Variants in MBP observed in about 807,000 individuals in gnomAD.
The protein encoded by MBP is myelin basic protein.
A neutral mutation model predicts 35.8 loss-of-function variants in MBP; 16 were observed. The ratio of observed to expected loss-of-function variants is 0.45; its 90% CI spans 0.30 to 0.68. The LOEUF is 0.68. Ranked by LOEUF, MBP falls within the 30% of genes least tolerant of loss-of-function variation. The pLI is 0.08. For missense variants in MBP, 380 were observed against 404.7 expected, an observed-to-expected ratio of 0.94 and a Z score of 0.52; for synonymous variants, 143 against 159.6, an observed-to-expected ratio of 0.90 and a Z score of 0.78.
At chr18:77,066,143 T>G (rs955790190) in intron 3 of MBP, 155 bp downstream of exon 3, 95 of 633,570 alleles carry the variant, frequency 1.5e-4, no homozygotes, top group Non-Finnish European at 2.8e-5. Context: ...ATTACAGACA[T>G]GAAGCAATGA....
intron 1 of MBP, among the ~76,000 whole-genome samples, chr18:77,110,965 GT>G (rs1568344781): frequency 6.6e-6 from 1 of 152,098 alleles, no homozygotes; most frequent in Non-Finnish European, 1.5e-5. Flanking sequence ...CAGGAGCAAT[GT>G]TTTCGACATC....
At chr18:77,018,200 T>A (rs1344555409) in intron 3 of MBP, among the ~76,000 whole-genome samples, 1 of 149,908 alleles carries the variant, frequency 6.7e-6, no homozygotes, top group Non-Finnish European at 1.5e-5. Flanking sequence ...TACCCATCCA[T>A]CCATCCATGC....
chr18:77,066,108 T>C, intron 3 of MBP, 190 bp downstream of exon 3: 1 of 577,304 alleles, frequency 1.7e-6, no homozygotes, highest in South Asian at 2.4e-5. Context: ...AGCGATCCTC[T>C]TGCATAGACC....
chr18:77,112,385 C>T (rs918650651), intron 1 of MBP, among the ~76,000 whole-genome samples: 1 of 152,218 alleles, frequency 6.6e-6, no homozygotes, highest in East Asian at 1.9e-4. Flanking sequence ...GTGTTCATCA[C>T]GATGGCAAAC....
intron 3 of MBP, among the ~76,000 whole-genome samples, chr18:77,033,757 CCCATCCAT>C (rs145059208): frequency 0.068 from 8,223 of 120,508 alleles, 329 homozygotes; most frequent in African/African-American, 0.15. Context: ...CATCAATCCA[CCCATCCAT>C]CCATCCATCC....
chr18:77,107,560 A>G (rs1348175737), intron 1 of MBP, among the ~76,000 whole-genome samples: 1 of 152,210 alleles, frequency 6.6e-6, no homozygotes, highest in Non-Finnish European at 1.5e-5. Context: ...CTGGTAGACA[A>G]AGAGAGCTAT....
intron 2 of MBP, among the ~76,000 whole-genome samples, chr18:77,077,509 G>A (rs1974713542): frequency 6.6e-6 from 1 of 152,136 alleles, no homozygotes; most frequent in Non-Finnish European, 1.5e-5. Flanking sequence ...AAATGTCTGG[G>A]TAGATGACAA....
At chr18:77,052,515 T>G (rs1173635408) in intron 3 of MBP, among the ~76,000 whole-genome samples, 1 of 152,246 alleles carries the variant, frequency 6.6e-6, no homozygotes, top group Non-Finnish European at 1.5e-5. Context: ...GTTGTCCCAT[T>G]GTGGCTGTGA....
At chr18:76,982,755 C>T (rs969973716) in intron 8 of MBP, 1 of 152,194 alleles carries the variant, frequency 6.6e-6, no homozygotes, top group South Asian at 2.1e-4. Flanking sequence ...ATTTATTAAT[C>T]TATTGGAAGT....
intron 1 of MBP, among the ~76,000 whole-genome samples, chr18:77,117,790 G>T (rs35925062): frequency 0.15 from 8,421 of 54,352 alleles, 1,456 homozygotes; most frequent in South Asian, 0.23. Flanking sequence ...GGGTCAGTGG[G>T]TTGGGGTGGG....
At chr18:77,043,260 C>T (rs1431745485) in intron 3 of MBP, among the ~76,000 whole-genome samples, 5 of 151,850 alleles carry the variant, frequency 3.3e-5, no homozygotes, top group Admixed American at 2.0e-4. Context: ...CCTTTTTTTG[C>T]GTGAACCTTG....
chr18:77,092,355 C>G (rs1252716882), intron 2 of MBP, among the ~76,000 whole-genome samples: 1 of 152,206 alleles, frequency 6.6e-6, no homozygotes, highest in Non-Finnish European at 1.5e-5. Flanking sequence ...GGAAACCCAG[C>G]CCCTCCACTC....
chr18:77,046,701 T>C lies in MBP; in HGVS notation c.139+19597A>G, dbSNP rs1382949172. ...CCCCCGGAGCTATAAATGAGCATTGTGGTTCCACATTATTCCATAGTCTCT... is the reference window on the plus strand; with the variant it reads ...CCCCCGGAGCTATAAATGAGCATTGCGGTTCCACATTATTCCATAGTCTCT... On this transcript the variant is annotated intron_variant, in intron 3 of 8. Transcript: ENST00000355994. Among the ~76,000 whole-genome samples, 4 of 152,266 alleles carry C rather than the reference T, an allele frequency of 2.6e-5. No individual in the cohort carries two copies. The East Asian group carries it at 7.7e-4, about 29-fold the overall frequency.
chr18:77,068,265 C>T lies in MBP; in HGVS notation c.52-1880G>A, dbSNP rs149353589. ...TAAGAGGACACTGGTTTGGACTGAG[C>T]TCCTGCACTGGGCCCAGCAGACGCC... is the stretch of plus-strand genomic sequence containing the variant. On this transcript the variant is annotated intron_variant, in intron 2 of 8. Coordinates refer to ENST00000355994, the MANE Select transcript of MBP (RefSeq NM_001025101.2). 3.9e-3 allele frequency among the ~76,000 whole-genome samples: 594 copies of T among 152,304 alleles called. 5 individuals are homozygous for T. Among genetic ancestry groups the T allele is most frequent in the African/African-American group, 0.014 (571 of 41,550 alleles).
chr18:77,015,540 T>A, intron 4 of MBP: 2 of 985,448 alleles, frequency 2.0e-6, no homozygotes, highest in Non-Finnish European at 1.2e-6. Context: ...CTAGCCAGAA[T>A]ATGAATTCCA....
intron 2 of MBP, among the ~76,000 whole-genome samples, chr18:77,070,468 G>C (rs148441007): frequency 6.6e-6 from 1 of 152,288 alleles, no homozygotes; most frequent in East Asian, 1.9e-4. Flanking sequence ...CCCCTATATC[G>C]TAAGGAGCAC....
At chr18:77,118,837 A>G (rs1475632844) in intron 1 of MBP, among the ~76,000 whole-genome samples, 1 of 149,214 alleles carries the variant, frequency 6.7e-6, no homozygotes, top group African/African-American at 2.5e-5. Context: ...CTCCACAGAC[A>G]CTACAGACAC....
rs1012288759 is a variant in MBP, at chr18:77,044,531, C to G, written c.139+21767G>C. On this transcript the variant is annotated intron_variant, in intron 3 of 8. Transcript: ENST00000355994. This position sits in a 1 kb window ranked among gnomAD's most constrained non-coding sequence, Gnocchi z 4.4. The stretch of plus-strand genomic sequence containing the variant: ...TGACCCCTCGTCCCTGGAAAGCCCT[C>G]TCCAGGGCCCTCGGCCTCGCTGTCT... Among the ~76,000 whole-genome samples the G allele has an allele frequency of 6.6e-6, 1 of 152,234 alleles. No homozygotes were observed. The highest frequency in any genetic ancestry group is 1.9e-4 in the East Asian group (1 of 5,136).
At chr18:77,090,722 C>A (rs117031822) in intron 2 of MBP, among the ~76,000 whole-genome samples, 1 of 152,174 alleles carries the variant, frequency 6.6e-6, no homozygotes, top group Admixed American at 6.5e-5. Context: ...TTCCTGACCC[C>A]GGGATGGTGA....
Sources: gnomAD v4.1 joint callset for allele counts (sites outside exome capture counted in the v4.1 genomes callset) on GRCh38, gnomAD v4.1.1 for gene constraint, Gnocchi (gnomAD v3.1) non-coding constraint, MANE v1.5 for transcripts, NCBI Gene and HGNC (gene_info 2026-07-23, HGNC 2026-07-21) for gene names.